Variants in MGP observed in about 807,000 individuals in gnomAD.
MGP encodes the protein cell growth-inhibiting gene 36 protein.
In MGP, 13 loss-of-function variants were observed where a neutral mutation model predicts 14.5. That is an observed-to-expected ratio of 0.89 (90% CI 0.58 to 1.42). The LOEUF (loss-of-function observed/expected upper bound fraction) is 1.42, where lower values mean the gene tolerates loss of function less well. Among genes scored for constraint, MGP ranks in the 40% most tolerant of loss-of-function variants. The pLI, the probability that MGP is intolerant of heterozygous loss-of-function variation, is 0.00. For missense variants in MGP, 128 were observed against 133.7 expected (o/e 0.96, Z 0.21); for synonymous variants, 44 against 46.3 (o/e 0.95, Z 0.20).
At chr12:14,883,270 G>T in intron 2 of MGP, 1 of 497,202 alleles carries the variant, frequency 2.0e-6, no homozygotes, top group South Asian at 2.2e-5. Flanking sequence ...TGTCATATAG[G>T]CTTTGTTGGT....
In MGP at chr12:14,882,074, A is replaced by G. The variant is rs1193887207; in HGVS notation, c.*65T>C. The G allele has an allele frequency of 2.5e-6, 4 of 1,572,260 alleles. No homozygotes were observed. The highest frequency in any genetic ancestry group is 1.1e-5 in the South Asian group (1 of 90,116). ...GCCTATGTATTTCTGTAATGCTGCTACAGGGGGATACAAAATCAGGTGCCA... is the reference window on the plus strand; with the variant it reads ...GCCTATGTATTTCTGTAATGCTGCTGCAGGGGGATACAAAATCAGGTGCCA... On this transcript the variant is annotated 3_prime_UTR_variant, in exon 4 of 4. Coordinates refer to ENST00000539261, the MANE Select transcript of MGP (RefSeq NM_000900.5).
intron 1 of MGP, chr12:14,884,856 A>G (rs1863421678): frequency 1.3e-6 from 2 of 1,535,330 alleles, no homozygotes; most frequent in Middle Eastern, 1.7e-4. Flanking sequence ...AAACGATATC[A>G]AAGCCGAAGT....
rs74316418 is a variant in MGP at position 14,884,901 on chromosome 12, A to G, written c.62-656T>C. The G allele has an allele frequency of 5.4e-3, 8,227 of 1,529,534 alleles. 168 individuals carry two copies. Among genetic ancestry groups the G allele is most frequent in the South Asian group, 0.039 (3,211 of 82,498 alleles). 94.7% of individuals were successfully genotyped at this position (1,529,534 alleles called of 1,614,324 possible). ...TCTGCCACTCTCCTGAGCACAGCAG[A>G]TAAATTTTGGAATAAGAAGCTTCTA... On this transcript the variant is annotated intron_variant, in intron 1 of 3. Coordinates refer to ENST00000539261, the MANE Select transcript of MGP (RefSeq NM_000900.5).
At chr12:14,882,542 T>A (rs140498412) in intron 3 of MGP, among the ~76,000 whole-genome samples, 1 of 151,410 alleles carries the variant, frequency 6.6e-6, no homozygotes. Flanking sequence ...CTACAAAAAA[T>A]GCAAAAATAG....
intron 2 of MGP, 47 bp downstream of exon 2, chr12:14,884,166 T>C: frequency 1.5e-6 from 2 of 1,371,548 alleles, no homozygotes; most frequent in Non-Finnish European, 2.0e-6. Flanking sequence ...TAAGAAGAGG[T>C]TCTTTAATGC....
chr12:14,884,109 C>T, intron 2 of MGP, 104 bp downstream of exon 2: 2 of 920,918 alleles, frequency 2.2e-6, no homozygotes, highest in South Asian at 1.8e-5. Context: ...AAAGAGGCCC[C>T]CTTTTCCCTC....
chr12:14,885,522 G>A (rs1029299305), intron 1 of MGP, among the ~76,000 whole-genome samples: 2 of 152,180 alleles, frequency 1.3e-5, no homozygotes, highest in South Asian at 4.1e-4. Context: ...TGCCTGTTAA[G>A]TTGCATAAGA....
At chr12:14,883,071 G>A (rs772250194) in intron 2 of MGP, 24 bp from the exon 3 acceptor site, 3 of 1,508,328 alleles carry the variant, frequency 2.0e-6, no homozygotes, top group East Asian at 4.5e-5. Flanking sequence ...ATAAATAAAT[G>A]CAGTTTTAGC....
intron 2 of MGP, 97 bp downstream of exon 2, chr12:14,884,116 C>T (rs1863412472): frequency 1.0e-6 from 1 of 990,192 alleles, no homozygotes. Context: ...CCCCCTTTTC[C>T]CTCCCTGTTA....
At chr12:14,882,935 G>GA in intron 3 of MGP, 37 bp downstream of exon 3, 1 of 1,420,982 alleles carries the variant, frequency 7.0e-7, no homozygotes, top group Non-Finnish European at 1.0e-6. Context: ...TCTACACTGG[G>GA]AAAAATGACC....
chr12:14,884,806 A>G (rs1462022792), intron 1 of MGP: 3 of 1,530,880 alleles, frequency 2.0e-6, no homozygotes, highest in East Asian at 4.9e-5. Context: ...TCCAGCTGAC[A>G]GCTCACCCTG....
At chr12:14,884,570 G>A (rs1863418064) in intron 1 of MGP, among the ~76,000 whole-genome samples, 1 of 152,164 alleles carries the variant, frequency 6.6e-6, no homozygotes, top group Non-Finnish European at 1.5e-5. Flanking sequence ...GACACTTTAA[G>A]TGCTGTACAG....
In MGP at chr12:14,881,932, A is replaced by G; in HGVS notation, c.*207T>C. 1 of 600,922 alleles carries G rather than the reference A, an allele frequency of 1.7e-6. No homozygotes were observed. Among genetic ancestry groups the G allele is most frequent in the Admixed American group, 2.8e-5 (1 of 35,262 alleles). The allele number at this position is 600,922 out of a possible 1,614,324, so 37.2% of individuals were successfully genotyped here. A position where few individuals can be genotyped will look rare whatever the true frequency, so the allele number is the denominator to read the frequency against. ...GAAGTTTATTATGGAACAATCACAT[A>G]TGTTGACTCTCCTTTGACCCTCACT... On this transcript the variant is annotated 3_prime_UTR_variant, in exon 4 of 4. Transcript: ENST00000539261.
Position 14,885,804 on chromosome 12 carries a change from C to T in MGP, c.-13G>A, listed in dbSNP as rs757698520. 5 of 1,613,268 alleles carry T rather than the reference C, an allele frequency of 3.1e-6. No homozygotes were observed. The highest frequency in any genetic ancestry group is 4.2e-6 in the Non-Finnish European group (5 of 1,179,340). On this transcript the variant is annotated 5_prime_UTR_variant, in exon 1 of 4. Transcript: ENST00000539261. ...TCAGGCTCTTCATGGTTTCGTCCTGCAGGTCAGTCTCAGGGTCTTGTGTAG... is the reference window on the plus strand; with the variant it reads ...TCAGGCTCTTCATGGTTTCGTCCTGTAGGTCAGTCTCAGGGTCTTGTGTAG...
chr12:14,884,278 ATATT>A (rs747909116), intron 1 of MGP, 33 bp from the exon 2 acceptor site: 112 of 1,253,908 alleles, frequency 8.9e-5, no homozygotes, highest in Non-Finnish European at 9.7e-5. Context: ...CATTATATCA[ATATT>A]TATCCATGAT....
chr12:14,884,041 A>G, intron 2 of MGP, 172 bp downstream of exon 2: 1 of 510,124 alleles, frequency 2.0e-6, no homozygotes, highest in Non-Finnish European at 3.5e-6. Flanking sequence ...AACTTAAAAA[A>G]TTGCTCCTTT....
In MGP at chr12:14,884,215, A is replaced by C. The variant is rs1246138553; in HGVS notation, c.92T>G (p.Leu31Arg). 5 of 1,461,582 alleles carry C rather than the reference A, an allele frequency of 3.4e-6. No homozygotes were observed. The highest frequency in any genetic ancestry group is 4.7e-6 in the Non-Finnish European group (5 of 1,056,800). 90.5% of individuals were successfully genotyped at this position (1,461,582 alleles called of 1,614,324 possible). Residue 31 changes from leucine (L) to arginine (R), a missense_variant and splice_region_variant, in exon 2 of 4, where the codon CTT becomes CGT. Coordinates refer to ENST00000539261, the MANE Select transcript of MGP (RefSeq NM_000900.5). ...ESHESMESYE[L>R]NPFINRRNAN... is the part of the protein sequence containing the mutation. ...AAAGAAGTTAAATATTCACTTACTA[A>C]GTTCATAAGATTCCATGCTTTCATG...
Position 14,880,940 on chromosome 12 carries a change from G to A in MGP, c.*1199C>T, listed in dbSNP as rs553464957. ...AACAAATTTTATATCGAAAAATTGT[G>A]CAAGCTAGAATTCAGTGGAATACCT... On this transcript the variant is annotated 3_prime_UTR_variant, in exon 4 of 4. Coordinates refer to ENST00000539261, the MANE Select transcript of MGP (RefSeq NM_000900.5). Among the ~76,000 whole-genome samples, 2 of 152,270 alleles carry A rather than the reference G, an allele frequency of 1.3e-5. No homozygotes were observed. Among genetic ancestry groups the A allele is most frequent in the African/African-American group, 4.8e-5 (2 of 41,552 alleles).
intron 2 of MGP, chr12:14,883,579 A>T (rs1325480708): frequency 5.8e-6 from 1 of 173,380 alleles, no homozygotes; most frequent in African/African-American, 2.4e-5. Context: ...TGGGTGGATC[A>T]CTTGAGGCCA....
Sources: allele counts gnomAD v4.1 joint callset (sites outside exome capture counted in the v4.1 genomes callset), GRCh38; gene constraint gnomAD v4.1.1; transcripts MANE v1.5; gene names NCBI Gene and HGNC (gene_info 2026-07-23, HGNC 2026-07-21).